Variants in WWOX observed in about 807,000 individuals in gnomAD.
WWOX encodes WW domain-containing oxidoreductase.
A neutral mutation model predicts 46.2 loss-of-function variants in WWOX; 69 were observed. The observed-to-expected ratio is 1.49, with a 90% CI of 1.23 to 1.82. WWOX has a LOEUF of 1.82. Ranked by LOEUF, WWOX falls within the 40% of genes most tolerant of loss-of-function variation. WWOX has a pLI of 0.00. For synonymous variants in WWOX, 359 were observed against 202.6 expected, an observed-to-expected ratio of 1.77 and a Z score of -6.56; for missense variants, 919 against 542.6, an observed-to-expected ratio of 1.69 and a Z score of -6.89.
chr16:78,669,178 A>G (rs1235458571), intron 8 of WWOX, among the ~76,000 whole-genome samples: 1 of 152,130 alleles, frequency 6.6e-6, no homozygotes, highest in Non-Finnish European at 1.5e-5. Context: ...CCGGAAGACA[A>G]AAAACTTCCT....
intron 8 of WWOX, among the ~76,000 whole-genome samples, chr16:78,678,919 G>A (rs925090438): frequency 3.3e-5 from 5 of 152,116 alleles, no homozygotes; most frequent in East Asian, 1.9e-4. Context: ...GGCTGGCACC[G>A]CACACTTTGT....
At chr16:78,519,262 T>G (rs2043299653) in intron 8 of WWOX, among the ~76,000 whole-genome samples, 1 of 152,044 alleles carries the variant, frequency 6.6e-6, no homozygotes, top group African/African-American at 2.4e-5. Flanking sequence ...GCGGAGTGCC[T>G]AGAACCCAAT....
intron 8 of WWOX, among the ~76,000 whole-genome samples, chr16:78,914,518 T>G (rs1472380077): frequency 2.6e-5 from 4 of 151,980 alleles, no homozygotes; most frequent in Non-Finnish European, 5.9e-5. Context: ...TGGGAATTGA[T>G]GCTTTGTGGA....
intron 8 of WWOX, among the ~76,000 whole-genome samples, chr16:79,067,516 C>G (rs1284649708): frequency 6.6e-6 from 1 of 151,772 alleles, no homozygotes; most frequent in African/African-American, 2.4e-5. Context: ...TAGTGTCTGC[C>G]CGGACATCTC....
chr16:78,497,143 T>G (rs997928939), intron 8 of WWOX, among the ~76,000 whole-genome samples: 1 of 152,262 alleles, frequency 6.6e-6, no homozygotes, highest in Non-Finnish European at 1.5e-5. Flanking sequence ...GGTGTATGTC[T>G]GCTCATGCTT....
At chr16:78,705,751 C>A (rs2048315594) in intron 8 of WWOX, among the ~76,000 whole-genome samples, 1 of 151,844 alleles carries the variant, frequency 6.6e-6, no homozygotes, top group Non-Finnish European at 1.5e-5. Context: ...CTGTATGTAC[C>A]ATCAGAGCAC....
intron 8 of WWOX, among the ~76,000 whole-genome samples, chr16:78,731,863 T>TTTTTA: frequency 1.0e-5 from 1 of 95,916 alleles, no homozygotes; most frequent in African/African-American, 9.2e-5. Flanking sequence ...TTTTTTTTTT[T>TTTTTA]GAGAGACAGG....
intron 8 of WWOX, among the ~76,000 whole-genome samples, chr16:78,931,380 A>C (rs1030924279): frequency 1.3e-5 from 2 of 152,220 alleles, no homozygotes; most frequent in Non-Finnish European, 2.9e-5. Flanking sequence ...AAGGAAATGA[A>C]CAGGACGGAA....
intron 8 of WWOX, among the ~76,000 whole-genome samples, chr16:78,580,509 T>C (rs1339027756): frequency 6.6e-6 from 1 of 152,210 alleles, no homozygotes; most frequent in Non-Finnish European, 1.5e-5. Context: ...CAGAGGCATT[T>C]ATAAGCAGTC....
intron 8 of WWOX, among the ~76,000 whole-genome samples, chr16:79,081,008 A>G (rs967674494): frequency 6.6e-6 from 1 of 152,178 alleles, no homozygotes; most frequent in Admixed American, 6.5e-5. Flanking sequence ...ACGCACATGC[A>G]CACCCACCAG....
chr16:79,011,269 C>T (rs1413992139), intron 8 of WWOX, among the ~76,000 whole-genome samples: 1 of 151,296 alleles, frequency 6.6e-6, no homozygotes, highest in Non-Finnish European at 1.5e-5. Flanking sequence ...TTCTTCTATG[C>T]AACCATTTCA....
At chr16:78,604,592 C>G (rs2045699217) in intron 8 of WWOX, among the ~76,000 whole-genome samples, 1 of 151,776 alleles carries the variant, frequency 6.6e-6, no homozygotes, top group Admixed American at 6.6e-5. Context: ...TTTTAGGATT[C>G]TATTATTTAC....
intron 8 of WWOX, among the ~76,000 whole-genome samples, chr16:78,948,378 C>G (rs144053233): frequency 1.7e-4 from 26 of 152,308 alleles, no homozygotes; most frequent in African/African-American, 5.5e-4. Flanking sequence ...GCACTCACAC[C>G]TAACAGATCT....
intron 5 of WWOX, among the ~76,000 whole-genome samples, chr16:78,247,893 GGC>G (rs1264408885): frequency 6.6e-6 from 1 of 152,206 alleles, no homozygotes; most frequent in Admixed American, 6.5e-5. Context: ...GTGGAGCCTT[GGC>G]GATCCATAGC....
At chr16:78,504,605 A>G (rs2085147481) in intron 8 of WWOX, among the ~76,000 whole-genome samples, 1 of 152,152 alleles carries the variant, frequency 6.6e-6, no homozygotes, top group African/African-American at 2.4e-5. Flanking sequence ...TCGTAATACT[A>G]TCTTTCTTTC....
chr16:78,807,758 G>A (rs8054440), intron 8 of WWOX, among the ~76,000 whole-genome samples: 1 of 152,208 alleles, frequency 6.6e-6, no homozygotes, highest in Non-Finnish European at 1.5e-5. Context: ...CCAAACTGTA[G>A]AGCTGCTTGT....
At chr16:78,873,770 CAGAG>C (rs1461528934) in intron 8 of WWOX, among the ~76,000 whole-genome samples, 1 of 152,090 alleles carries the variant, frequency 6.6e-6, no homozygotes, top group Non-Finnish European at 1.5e-5. Flanking sequence ...GCCTGGGCAA[CAGAG>C]AGACCCTGCC....
chr16:79,181,746 T>C (rs1215425739), intron 8 of WWOX, among the ~76,000 whole-genome samples: 1 of 152,176 alleles, frequency 6.6e-6, no homozygotes, highest in African/African-American at 2.4e-5. Flanking sequence ...GAAGTGGAAT[T>C]ACTGGGTCGG....
At chr16:78,710,648 T>C (rs1212941468) in intron 8 of WWOX, among the ~76,000 whole-genome samples, 1 of 150,742 alleles carries the variant, frequency 6.6e-6, no homozygotes, top group East Asian at 1.9e-4. Flanking sequence ...AGGGTCTTGC[T>C]CTGTCACTCA....
Sources: gnomAD v4.1 joint callset for allele counts (sites outside exome capture counted in the v4.1 genomes callset) on GRCh38, gnomAD v4.1.1 for gene constraint, MANE v1.5 for transcripts, NCBI Gene and HGNC (gene_info 2026-07-23, HGNC 2026-07-21) for gene names.